ACSF3: variants seen among roughly 807,000 people sequenced by gnomAD.
ACSF3 encodes malonate--CoA ligase ACSF3, mitochondrial.
Under a neutral mutation model 53.2 loss-of-function variants are expected in ACSF3, and 78 were observed. That is an observed-to-expected ratio of 1.47 (90% CI 1.22 to 1.77). The LOEUF is 1.77. Ranked by LOEUF, ACSF3 falls within the 40% of genes most tolerant of loss-of-function variation. The probability of loss-of-function intolerance (pLI) is 0.00; values close to 1 mark genes in which losing one functional copy is unlikely to be tolerated. For synonymous variants in ACSF3, 414 were observed against 333.1 expected (o/e 1.24, Z -2.65); for missense variants, 937 against 771.1 (o/e 1.22, Z -2.55).
intron 1 of ACSF3, among the ~76,000 whole-genome samples, chr16:89,096,668 G>C (rs76443699): frequency 0.02 from 2,993 of 152,286 alleles, 94 homozygotes; most frequent in African/African-American, 0.069. Flanking sequence ...CCAGCAATGT[G>C]ACTTCCCGGC....
chr16:89,140,412 G>T (rs1911525531), intron 8 of ACSF3, among the ~76,000 whole-genome samples: 1 of 152,256 alleles, frequency 6.6e-6, no homozygotes, highest in Non-Finnish European at 1.5e-5. Flanking sequence ...CTGAGAACTT[G>T]GGGGCAGAGA....
chr16:89,141,907 A>G (rs12931350), intron 8 of ACSF3, among the ~76,000 whole-genome samples: 30,768 of 152,134 alleles, frequency 0.2, 3,516 homozygotes, highest in East Asian at 0.4. Flanking sequence ...TCTCAGAATC[A>G]TCCCCGAGAC....
At chr16:89,153,092 C>T (rs1158359841) in intron 10 of ACSF3, 2 of 152,642 alleles carry the variant, frequency 1.3e-5, no homozygotes, top group Non-Finnish European at 2.9e-5. Flanking sequence ...GACACTTTCT[C>T]CACAAAAAGC....
intron 1 of ACSF3, among the ~76,000 whole-genome samples, chr16:89,097,009 A>C (rs984251275): frequency 6.6e-6 from 1 of 152,256 alleles, no homozygotes; most frequent in Non-Finnish European, 1.5e-5. Context: ...CCAGCTGTGC[A>C]CGTCAGCATC....
chr16:89,108,525 A>G (rs117405495), intron 4 of ACSF3, among the ~76,000 whole-genome samples: 3,816 of 152,248 alleles, frequency 0.025, 71 homozygotes, highest in Admixed American at 0.038. Flanking sequence ...AGTAGCCATT[A>G]CCTCAAACCA....
intron 2 of ACSF3, among the ~76,000 whole-genome samples, chr16:89,100,226 C>CG (rs907070815): frequency 7.2e-5 from 11 of 152,224 alleles, no homozygotes; most frequent in Non-Finnish European, 1.3e-4. Context: ...GTGTCTGCCC[C>CG]GGGGGCGGGG....
At chr16:89,117,676 A>C (rs1229526174) in intron 6 of ACSF3, among the ~76,000 whole-genome samples, 3 of 151,978 alleles carry the variant, frequency 2.0e-5, no homozygotes, top group East Asian at 3.9e-4. Context: ...CGCCGTCCAC[A>C]CCGAGGGCGC....
intron 6 of ACSF3, among the ~76,000 whole-genome samples, chr16:89,116,633 G>C (rs1305863309): frequency 6.6e-6 from 1 of 152,230 alleles, no homozygotes; most frequent in Non-Finnish European, 1.5e-5. Context: ...TGGCCGCACA[G>C]AGTGCAGTGC....
chr16:89,124,516 CATGT>C (rs1172801900), intron 7 of ACSF3, among the ~76,000 whole-genome samples: 4 of 151,126 alleles, frequency 2.6e-5, no homozygotes, highest in African/African-American at 4.9e-5. Flanking sequence ...GCACATGCTG[CATGT>C]ATGTGTGTGT....
At chr16:89,136,940 A>G (rs1357897220) in intron 8 of ACSF3, 1 of 1,117,470 alleles carries the variant, frequency 8.9e-7, no homozygotes, top group African/African-American at 1.6e-5. Context: ...TGTCTCAGGT[A>G]ACTCCTCTGA....
At position 89,155,524 on chromosome 16, in the gene ACSF3, G is replaced by A. The variant is rs1193392420; in HGVS notation, c.*1317G>A. 6.6e-6 allele frequency: 3 copies of A among 454,098 alleles called. No individual in the cohort carries two copies. The highest frequency in any genetic ancestry group is 4.7e-5 in the South Asian group (3 of 64,468). 28.1% of individuals were successfully genotyped at this position (454,098 alleles called of 1,614,324 possible). ...GGACTGGTGGGTGCCCCAGTCCACG[G>A]CCCTGCCCCACCCGAACTCCTGCCT... On this transcript the variant is annotated 3_prime_UTR_variant, in exon 11 of 11. Coordinates refer to ENST00000614302, the MANE Select transcript of ACSF3 (RefSeq NM_001243279.3).
Position 89,120,913 on chromosome 16 carries a change from G to C in ACSF3, c.1239G>C (p.Lys413Asn), listed in dbSNP as rs757563817. The C allele has an allele frequency of 1.3e-5, 21 of 1,613,476 alleles. No individual in the cohort carries two copies. The Admixed American group carries it at 1.5e-4, about 12-fold the overall frequency. Residue 413 changes from lysine (K) to asparagine (N), a missense_variant and splice_region_variant, in exon 7 of 11, where the codon AAG (lysine) becomes AAC (asparagine). By Grantham distance (94) the Lys-to-Asn change is moderately conservative (BLOSUM62 0). Coordinates refer to ENST00000614302, the MANE Select transcript of ACSF3 (RefSeq NM_001243279.3). ...IHAEGDERGT[K>N]VTPGFEEKEG... ...CAGAGGGAGACGAGAGGGGGACCAA[G>C]GTAAGCCACTCTGCTCTTGGCAGGT...
intron 6 of ACSF3, among the ~76,000 whole-genome samples, chr16:89,117,419 A>AGAAG (rs1257288618): frequency 6.6e-6 from 1 of 152,050 alleles, no homozygotes; most frequent in Admixed American, 6.6e-5. Flanking sequence ...AGCCTTTTTT[A>AGAAG]CTGGAACAGA....
rs933144640 is a variant in ACSF3 at position 89,141,373 on chromosome 16, A to G, written c.1367-3894A>G. ...CTGAGAAGCTAGAACAAAGCCTGACATGTTCCAAGGGGCAAGCTCAGGGCT... is the reference window on the plus strand; with the variant it reads ...CTGAGAAGCTAGAACAAAGCCTGACGTGTTCCAAGGGGCAAGCTCAGGGCT... On this transcript the variant is annotated intron_variant, in intron 8 of 10. Coordinates refer to ENST00000614302, the MANE Select transcript of ACSF3 (RefSeq NM_001243279.3). 6.6e-6 allele frequency: 8 copies of G among 1,208,180 alleles called. No individual in the cohort carries two copies. In the Admixed American group the frequency reaches 9.3e-5, roughly 14 times the overall value. The allele number at this position is 1,208,180 out of a possible 1,614,324, so 74.8% of individuals were successfully genotyped here. A position where few individuals can be genotyped will look rare whatever the true frequency, so the allele number is the denominator to read the frequency against.
At chr16:89,123,756 A>G (rs1907231456) in intron 7 of ACSF3, among the ~76,000 whole-genome samples, 1 of 152,138 alleles carries the variant, frequency 6.6e-6, no homozygotes, top group Non-Finnish European at 1.5e-5. Flanking sequence ...ATGGGAGGAC[A>G]CCTTCCCAGG....
At chr16:89,107,447 C>T (rs1048895626) in intron 4 of ACSF3, among the ~76,000 whole-genome samples, 10 of 152,116 alleles carry the variant, frequency 6.6e-5, no homozygotes, top group Non-Finnish European at 1.2e-4. Context: ...CTCCCCGCCT[C>T]GGCACCATCC....
At position 89,114,479 on chromosome 16, in the gene ACSF3, G is replaced by C. The variant is rs778956932; in HGVS notation, c.1118G>C (p.Arg373Pro). The change falls in exon 6 of 11, where the codon CGC becomes CCC. Residue 373 changes from arginine to proline, a missense_variant. Coordinates refer to ENST00000614302, the MANE Select transcript of ACSF3 (RefSeq NM_001243279.3). ...ALSGPLTTAV[R>P]LPGSVGTPLP... ...TCCGGGCCCCTGACCACTGCCGTGC[G>C]CCTGCCAGGTACGAGCACTTCCCAC... is the stretch of plus-strand genomic sequence containing the variant. The C allele has an allele frequency of 6.2e-7, 1 of 1,611,680 alleles. No homozygotes were observed. Among genetic ancestry groups the C allele is most frequent in the East Asian group, 2.2e-5 (1 of 44,882 alleles).
At chr16:89,138,652 GC>G (rs1166506025) in intron 8 of ACSF3, among the ~76,000 whole-genome samples, 1 of 152,230 alleles carries the variant, frequency 6.6e-6, no homozygotes, top group Non-Finnish European at 1.5e-5. Flanking sequence ...CACGCTGACA[GC>G]TCCTGAGAGG....
At chr16:89,126,038 A>G (rs112563553) in intron 7 of ACSF3, among the ~76,000 whole-genome samples, 4 of 151,438 alleles carry the variant, frequency 2.6e-5, no homozygotes, top group African/African-American at 9.7e-5. Flanking sequence ...CTCCATTTAC[A>G]TAGATCTGTG....
Sources: allele counts gnomAD v4.1 joint callset (sites outside exome capture counted in the v4.1 genomes callset), GRCh38; gene constraint gnomAD v4.1.1; transcripts MANE v1.5; gene names NCBI Gene and HGNC (gene_info 2026-07-23, HGNC 2026-07-21).